Variants in NMNAT1 observed in about 807,000 individuals in gnomAD.
NMNAT1 encodes the protein nicotinamide nucleotide adenylyltransferase 1, also known as nicotinamide/nicotinic acid mononucleotide adenylyltransferase 1.
In NMNAT1, 11 loss-of-function variants were observed where a neutral mutation model predicts 16.7. The ratio of observed to expected loss-of-function variants is 0.66; its 90% CI spans 0.41 to 1.09. The LOEUF is 1.09. NMNAT1 is among the 50% of genes least tolerant of loss of function. The pLI is 0.00. For missense variants in NMNAT1, 280 were observed against 332.3 expected (o/e 0.84, Z 1.22); for synonymous variants, 110 against 119.8 (o/e 0.92, Z 0.53).
At chr1:9,989,211 A>T (rs955316715), downstream of NMNAT1, among the ~76,000 whole-genome samples, 2 of 152,034 alleles carry the variant, frequency 1.3e-5, no homozygotes, top group African/African-American at 4.8e-5. Flanking sequence ...TAACCCTAGC[A>T]CTTTTGGAGG....
chr1:9,958,312 G>A (rs1484744232), intron 1 of NMNAT1, among the ~76,000 whole-genome samples: 1 of 152,038 alleles, frequency 6.6e-6, no homozygotes, highest in Non-Finnish European at 1.5e-5. Context: ...GTTTCTGATT[G>A]AATTGAGATC....
rs1359041009 is a variant in NMNAT1, at chr1:9,959,355, G to T, written c.-56-12663G>T. On this transcript the variant is annotated intron_variant, in intron 1 of 4. Coordinates refer to ENST00000377205, the MANE Select transcript of NMNAT1 (RefSeq NM_022787.4). ...CCATTGCACTACAGCCAGGGGACAA[G>T]AGTGAAACTCCATCTTGGAAAAAAA... Among the ~76,000 whole-genome samples, 8 of 140,742 alleles carry T rather than the reference G, an allele frequency of 5.7e-5. No individual in the cohort carries two copies. In the Admixed American group the frequency reaches 6.0e-4, roughly 11 times the overall value. The allele number at this position is 140,742 out of a possible 152,430, so 92.3% of individuals were successfully genotyped here.
intron 3 of NMNAT1, among the ~76,000 whole-genome samples, chr1:9,977,314 C>T (rs1641837060): frequency 6.6e-6 from 1 of 151,844 alleles, no homozygotes; most frequent in African/African-American, 2.4e-5. Flanking sequence ...TGATCTCAAA[C>T]TCCTGGCCTC....
the NMNAT1 span, among the ~76,000 whole-genome samples, chr1:9,992,772 T>C: frequency 6.6e-6 from 1 of 151,554 alleles, no homozygotes; most frequent in Non-Finnish European, 1.5e-5. Context: ...ATTAGCTGGG[T>C]GTGGTGGCGG....
At chr1:9,994,101 CTTTTTTTTTTTTTT>C in the NMNAT1 span, among the ~76,000 whole-genome samples, 259 of 106,152 alleles carry the variant, frequency 2.4e-3, no homozygotes, top group Non-Finnish European at 3.0e-3. Flanking sequence ...CAAATGTTAG[CTTTTTTTTTTTTTT>C]TTTTTTTTTT....
rs770466031 is a variant in NMNAT1 at position 9,943,516 on chromosome 1, G to C, written c.-57+1G>C. The C allele has an allele frequency of 6.6e-6, 1 of 152,442 alleles. No homozygotes were observed. The highest frequency in any genetic ancestry group is 1.5e-5 in the Non-Finnish European group (1 of 68,192). 9.4% of individuals were successfully genotyped at this position (152,442 alleles called of 1,614,324 possible). A position where few individuals can be genotyped will look rare whatever the true frequency, so the allele number is the denominator to read the frequency against. On this transcript the variant is annotated splice_donor_variant, in intron 1 of 4. Coordinates refer to ENST00000377205, the MANE Select transcript of NMNAT1 (RefSeq NM_022787.4). LOFTEE classifies it low-confidence loss of function (5UTR_SPLICE). ...CGGGCCGGCGGACAGTGAGGGCGCGGTAAGCTCCCCGCAAGGAGCCCCTGA... is the reference window on the plus strand; with the variant it reads ...CGGGCCGGCGGACAGTGAGGGCGCGCTAAGCTCCCCGCAAGGAGCCCCTGA...
intron 4 of NMNAT1, 83 bp from the exon 5 acceptor site, chr1:9,982,218 T>C (rs1423748454): frequency 2.0e-6 from 3 of 1,481,502 alleles, no homozygotes; most frequent in Non-Finnish European, 2.7e-6. Context: ...CAGTGGGTTA[T>C]TAGAAAAGTA....
chr1:9,982,298 C>T lies in NMNAT1; in HGVS notation c.440-3C>T. On this transcript the variant is annotated splice_region_variant and splice_polypyrimidine_tract_variant and intron_variant, in intron 4 of 4. Transcript: ENST00000377205. Reference sequence around the variant, plus strand: ...CCCCAAAGCTCTGTTTTATTCTTCCCAGCTGTGCCAAAGGTCAAGCTGCTG... The same window carrying T: ...CCCCAAAGCTCTGTTTTATTCTTCCTAGCTGTGCCAAAGGTCAAGCTGCTG... The T allele has an allele frequency of 6.2e-7, 1 of 1,607,156 alleles. No homozygotes were observed. The highest frequency in any genetic ancestry group is 8.5e-7 in the Non-Finnish European group (1 of 1,176,016).
At chr1:9,954,268 T>G (rs754945519) in intron 1 of NMNAT1, among the ~76,000 whole-genome samples, 1 of 151,842 alleles carries the variant, frequency 6.6e-6, no homozygotes, top group Admixed American at 6.6e-5. Context: ...CAGGCTGGAG[T>G]GCAATGACAT....
At chr1:9,965,841 T>C (rs938421484) in intron 1 of NMNAT1, among the ~76,000 whole-genome samples, 9 of 151,956 alleles carry the variant, frequency 5.9e-5, no homozygotes, top group African/African-American at 2.2e-4. Flanking sequence ...TTAAAAAATA[T>C]AGCCAGGTGT....
intron 1 of NMNAT1, among the ~76,000 whole-genome samples, chr1:9,964,258 G>A (rs1239608547): frequency 6.6e-6 from 1 of 151,450 alleles, no homozygotes; most frequent in Non-Finnish European, 1.5e-5. Flanking sequence ...GAGAAGTGTA[G>A]GTGGGAGGAT....
chr1:9,968,083 T>TTTTTTTTTTTG lies in NMNAT1; in HGVS notation c.-56-3929_-56-3928insTTTTGTTTTTT, dbSNP rs1326350775. Among the ~76,000 whole-genome samples, 7 of 139,562 alleles carry TTTTTTTTTTTG rather than the reference T, an allele frequency of 5.0e-5. 1 individual carries two copies. Among genetic ancestry groups the TTTTTTTTTTTG allele is most frequent in the Non-Finnish European group, 8.0e-5 (5 of 62,680 alleles). The allele number at this position is 139,562 out of a possible 152,430, so 91.6% of individuals were successfully genotyped here. A position where few individuals can be genotyped will look rare whatever the true frequency, so the allele number is the denominator to read the frequency against. On this transcript the variant is annotated intron_variant, in intron 1 of 4. Transcript: ENST00000377205. ...GCCAAATGTAGTTTTTTTTTTTGTTTTTTTTTGAGATGGAGTCTCGCTCTG... is the reference window on the plus strand; with the variant it reads ...GCCAAATGTAGTTTTTTTTTTTGTTTTTTTTTTTTTGTTTTTTGAGATGGAGTCTCGCTCTG...
intron 1 of NMNAT1, chr1:9,947,516 G>A (rs1344371371): frequency 1.3e-5 from 2 of 152,336 alleles, no homozygotes; most frequent in Non-Finnish European, 2.9e-5. Context: ...GGGTATATAA[G>A]TAGCTGCGTT....
At chr1:9,966,224 G>C (rs1253572133) in intron 1 of NMNAT1, among the ~76,000 whole-genome samples, 4 of 148,550 alleles carry the variant, frequency 2.7e-5, no homozygotes, top group Admixed American at 6.7e-5. Context: ...ACTGTAACCT[G>C]GGAGGCAGAG....
chr1:9,953,797 CTTTTTT>C (rs34585788), intron 1 of NMNAT1, among the ~76,000 whole-genome samples: 1 of 60,146 alleles, frequency 1.7e-5, no homozygotes, highest in Non-Finnish European at 3.3e-5. Context: ...ATATATCACT[CTTTTTT>C]TTTTTTTTTT....
intron 4 of NMNAT1, 155 bp downstream of exon 4, chr1:9,981,325 C>T (rs756974430): frequency 4.6e-5 from 57 of 1,243,654 alleles, no homozygotes; most frequent in Non-Finnish European, 6.0e-5. Flanking sequence ...AGCTCTGCCT[C>T]CTGGGTTCAT....
chr1:9,970,525 TA>T (rs1218097297), intron 1 of NMNAT1, among the ~76,000 whole-genome samples: 1 of 151,826 alleles, frequency 6.6e-6, no homozygotes, highest in Non-Finnish European at 1.5e-5. Flanking sequence ...CCGTCTCTAC[TA>T]AAAATACAAA....
intron 2 of NMNAT1, among the ~76,000 whole-genome samples, chr1:9,974,815 C>T (rs1339778129): frequency 6.6e-6 from 1 of 152,142 alleles, no homozygotes; most frequent in Non-Finnish European, 1.5e-5. Context: ...TGAGCCACCA[C>T]ACCTGGCCTC....
At chr1:9,951,622 G>A (rs1403552534) in intron 1 of NMNAT1, among the ~76,000 whole-genome samples, 6 of 152,170 alleles carry the variant, frequency 3.9e-5, no homozygotes, top group South Asian at 2.1e-4. Context: ...CTACAGGCAC[G>A]TGCCACCAGG....
Sources: gnomAD v4.1 joint callset for allele counts (sites outside exome capture counted in the v4.1 genomes callset) on GRCh38, gnomAD v4.1.1 for gene constraint, MANE v1.5 for transcripts, NCBI Gene and HGNC (gene_info 2026-07-23, HGNC 2026-07-21) for gene names.